Variants in AP3S2 observed in about 807,000 individuals in gnomAD.
AP3S2 encodes adaptor related protein complex 3 subunit sigma 2, also known as AP-3 complex subunit sigma-2.
In AP3S2, 22 loss-of-function variants were observed where a neutral mutation model predicts 23.4. The observed-to-expected ratio is 0.94, with a 90% CI of 0.67 to 1.34. AP3S2 has a LOEUF of 1.34. AP3S2 is among the 40% of genes most tolerant of loss of function. The pLI, the probability that AP3S2 is intolerant of heterozygous loss-of-function variation, is 0.00. For missense variants in AP3S2, 241 were observed against 236.9 expected, an observed-to-expected ratio of 1.02 and a Z score of -0.11; for synonymous variants, 86 against 87.1, an observed-to-expected ratio of 0.99 and a Z score of 0.07.
intron 4 of AP3S2, among the ~76,000 whole-genome samples, chr15:89,847,949 C>A (rs1403637762): frequency 6.6e-6 from 1 of 152,176 alleles, no homozygotes; most frequent in Non-Finnish European, 1.5e-5. Flanking sequence ...TAATAAAATG[C>A]AGTTCTGTAT....
chr15:89,835,597 T>G lies in AP3S2; in HGVS notation c.500A>C (p.Asn167Thr), dbSNP rs778860299. The G allele has an allele frequency of 3.1e-6, 5 of 1,612,686 alleles. No individual in the cohort carries two copies. In the East Asian group the frequency reaches 1.1e-4, roughly 36 times the overall value. The change falls in exon 6 of 6, where the codon AAC (asparagine) becomes ACC (threonine). Residue 167 changes from asparagine to threonine, a missense_variant. Physicochemically the swap from Asn to Thr is moderately conservative, Grantham distance 65. Coordinates refer to ENST00000336418, the MANE Select transcript of AP3S2 (RefSeq NM_005829.5). The part of the protein sequence containing the change: ...APARAVSAVK[N>T]INLPEIPRNI... ...CCGAGGAATCTCTGGCAGGTTGATG[T>G]TTTTCACAGCAGACACAGCCCGCGC...
chr15:89,889,030 A>T lies in AP3S2; in HGVS notation c.161+19T>A. The T allele has an allele frequency of 6.2e-7, 1 of 1,614,052 alleles. No homozygotes were observed. Among genetic ancestry groups the T allele is most frequent in the African/African-American group, 1.3e-5 (1 of 75,022 alleles). Reference sequence around the variant, plus strand: ...TCACAAGTGGATATATGGGGAGAAAAATGAAGCTGACAGTTTACCTTCCAC... The same window carrying T: ...TCACAAGTGGATATATGGGGAGAAATATGAAGCTGACAGTTTACCTTCCAC... On this transcript the variant is annotated intron_variant, in intron 2 of 5. Transcript: ENST00000336418.
chr15:89,859,709 T>C (rs1895965521), intron 4 of AP3S2, among the ~76,000 whole-genome samples: 1 of 151,752 alleles, frequency 6.6e-6, no homozygotes, highest in Non-Finnish European at 1.5e-5. Flanking sequence ...TTTCTTTTTT[T>C]TTCTAAACAA....
intron 3 of AP3S2, among the ~76,000 whole-genome samples, chr15:89,874,671 A>G (rs1315836911): frequency 6.6e-6 from 1 of 152,204 alleles, no homozygotes; most frequent in Non-Finnish European, 1.5e-5. Context: ...AGTCCCAGCT[A>G]CTTGGAAGGC....
At chr15:89,839,675 G>T (rs1050431227) in intron 4 of AP3S2, among the ~76,000 whole-genome samples, 1 of 152,052 alleles carries the variant, frequency 6.6e-6, no homozygotes, top group Non-Finnish European at 1.5e-5. Context: ...ACACTCAAAA[G>T]AACTGAAAGT....
In AP3S2 at chr15:89,831,015, G is replaced by A. The variant is rs181528861; in HGVS notation, c.*4500C>T. On this transcript the variant is annotated 3_prime_UTR_variant, in exon 6 of 6. Transcript: ENST00000336418. Reference sequence around the variant, plus strand: ...CCAGGGATGGGGGGTGGGGCTCAGCGTTTGGGGAACCGGAGTGGGAGTCTT... The same window carrying A: ...CCAGGGATGGGGGGTGGGGCTCAGCATTTGGGGAACCGGAGTGGGAGTCTT... The A allele has an allele frequency of 6.5e-5, 10 of 153,326 alleles. 1 individual carries two copies. In the East Asian group the frequency reaches 1.9e-3, roughly 29 times the overall value. 9.5% of individuals were successfully genotyped at this position (153,326 alleles called of 1,614,324 possible). A position where few individuals can be genotyped will look rare whatever the true frequency, so the allele number is the denominator to read the frequency against.
chr15:89,870,576 T>A (rs1363553186), intron 4 of AP3S2, among the ~76,000 whole-genome samples: 1 of 152,168 alleles, frequency 6.6e-6, no homozygotes, highest in African/African-American at 2.4e-5. Flanking sequence ...CAACTAAGAC[T>A]GAAGACCCTA....
chr15:89,851,283 G>A (rs1162687136), intron 4 of AP3S2, among the ~76,000 whole-genome samples: 1 of 152,112 alleles, frequency 6.6e-6, no homozygotes, highest in Non-Finnish European at 1.5e-5. Flanking sequence ...TCCAGGCAGA[G>A]GGAATGGCAA....
At chr15:89,889,022 G>A (rs1896760302) in intron 2 of AP3S2, 27 bp downstream of exon 2, 9 of 1,613,584 alleles carry the variant, frequency 5.6e-6, no homozygotes, top group Non-Finnish European at 7.6e-6. Flanking sequence ...TGGATATATG[G>A]GGAGAAAAAT....
At chr15:89,855,587 G>A (rs1396549303) in intron 4 of AP3S2, among the ~76,000 whole-genome samples, 1 of 142,994 alleles carries the variant, frequency 7.0e-6, no homozygotes, top group African/African-American at 2.6e-5. Context: ...GGTGGCTCAC[G>A]ACTGTAATCC....
chr15:89,873,126 T>G (rs889669633), intron 3 of AP3S2, among the ~76,000 whole-genome samples: 2 of 152,210 alleles, frequency 1.3e-5, no homozygotes, highest in Non-Finnish European at 2.9e-5. Context: ...TCTCAATCAC[T>G]ATGCTGGGTA....
intron 4 of AP3S2, among the ~76,000 whole-genome samples, chr15:89,844,361 A>G (rs1895434131): frequency 1.4e-5 from 2 of 146,828 alleles, no homozygotes; most frequent in African/African-American, 5.1e-5. Flanking sequence ...TTTTAGAGAC[A>G]GGGTCTTGCT....
intron 3 of AP3S2, among the ~76,000 whole-genome samples, chr15:89,872,383 T>A (rs962497310): frequency 7.2e-5 from 11 of 152,180 alleles, no homozygotes; most frequent in Non-Finnish European, 1.0e-4. Flanking sequence ...AATTTTTTTT[T>A]AAAAGCCCTG....
chr15:89,867,294 G>A (rs1320384257), intron 4 of AP3S2, among the ~76,000 whole-genome samples: 10 of 150,694 alleles, frequency 6.6e-5, no homozygotes, highest in Middle Eastern at 3.4e-3. Flanking sequence ...GATTGCAGAC[G>A]GAGTCTCGTT....
intron 3 of AP3S2, among the ~76,000 whole-genome samples, chr15:89,880,300 T>C (rs1896539915): frequency 6.6e-6 from 1 of 152,122 alleles, no homozygotes; most frequent in Admixed American, 6.5e-5. Context: ...AGAATACATA[T>C]GGATGAACAA....
At chr15:89,837,482 G>T in intron 5 of AP3S2, 133 bp downstream of exon 5, 1 of 1,009,146 alleles carries the variant, frequency 9.9e-7, no homozygotes, top group Non-Finnish European at 1.4e-6. Flanking sequence ...AGTTTCAATG[G>T]ACTCAAGGAA....
chr15:89,856,934 T>C (rs1029379010), intron 4 of AP3S2, among the ~76,000 whole-genome samples: 10 of 151,068 alleles, frequency 6.6e-5, no homozygotes, highest in African/African-American at 2.2e-4. Flanking sequence ...GGGACACATA[T>C]CTATTTCACA....
intron 3 of AP3S2, chr15:89,883,935 T>C (rs868508913): frequency 2.0e-5 from 3 of 152,260 alleles, no homozygotes; most frequent in South Asian, 4.1e-4. Flanking sequence ...GAAATGCTTA[T>C]TGGTCATTTC....
chr15:89,842,410 G>T (rs1895351356), intron 4 of AP3S2, among the ~76,000 whole-genome samples: 1 of 152,174 alleles, frequency 6.6e-6, no homozygotes, highest in Non-Finnish European at 1.5e-5. Flanking sequence ...CTGTATCCCA[G>T]GGGAAACAAA....
Sources: gnomAD v4.1 joint callset for allele counts (sites outside exome capture counted in the v4.1 genomes callset) on GRCh38, gnomAD v4.1.1 for gene constraint, MANE v1.5 for transcripts, NCBI Gene and HGNC (gene_info 2026-07-23, HGNC 2026-07-21) for gene names.